The following SGPP2 variants were observed in gnomAD, a reference collection of about 807,000 sequenced individuals.
The protein encoded by SGPP2 is sphingosine-1-phosphate phosphatase 2, also known as sphingosine 1-phosphate phosphohydrolase 2.
Under a neutral mutation model 33.9 loss-of-function variants are expected in SGPP2, and 30 were observed. The observed-to-expected ratio is 0.89, with a 90% CI of 0.66 to 1.20. SGPP2 has a LOEUF of 1.20. Ranked by LOEUF, SGPP2 falls within the 50% of genes most tolerant of loss-of-function variation. The pLI is 0.00. For synonymous variants in SGPP2, 233 were observed against 225.0 expected, an observed-to-expected ratio of 1.04 and a Z score of -0.32; for missense variants, 458 against 532.1, an observed-to-expected ratio of 0.86 and a Z score of 1.37.
intron 4 of SGPP2, among the ~76,000 whole-genome samples, chr2:222,552,636 G>A (rs146821699): frequency 0.041 from 6,281 of 152,136 alleles, 221 homozygotes; most frequent in South Asian, 0.067. Flanking sequence ...CGAGGTGGGC[G>A]GATCACCTGA....
chr2:222,440,804 G>A (rs4673021), intron 1 of SGPP2, among the ~76,000 whole-genome samples: 6,217 of 151,860 alleles, frequency 0.041, 162 homozygotes, highest in Non-Finnish European at 0.061. Flanking sequence ...ATTAATCCCC[G>A]TCTTCACCCA....
rs537760880 is a variant in SGPP2, at chr2:222,438,168, GC to G, written c.219+13349del. The stretch of plus-strand genomic sequence containing the variant: ...TGCCTCTTTCTTGGTTGTAGAAGGG[GC>G]CAAATGCAGCAACTTATTCTTCACT... On this transcript the variant is annotated intron_variant, in intron 1 of 4. Transcript: ENST00000321276. 1.8e-3 allele frequency among the ~76,000 whole-genome samples: 278 copies of G among 152,292 alleles called. 2 individuals are homozygous for G. Among genetic ancestry groups the G allele is most frequent in the Non-Finnish European group, 2.2e-3 (152 of 68,036 alleles).
intron 1 of SGPP2, among the ~76,000 whole-genome samples, chr2:222,454,031 G>A (rs763337914): frequency 1.3e-5 from 2 of 152,150 alleles, no homozygotes; most frequent in African/African-American, 4.8e-5. Flanking sequence ...AGAACATTTG[G>A]TTTATTTCCA....
At chr2:222,425,010 T>G (rs1265594423) in intron 1 of SGPP2, among the ~76,000 whole-genome samples, 189 bp downstream of exon 1, 1 of 152,236 alleles carries the variant, frequency 6.6e-6, no homozygotes, top group Non-Finnish European at 1.5e-5. Context: ...CCTCCAACGC[T>G]GCCAGGGGCA....
intron 2 of SGPP2, among the ~76,000 whole-genome samples, chr2:222,479,166 G>A (rs192181499): frequency 2.6e-5 from 4 of 152,208 alleles, no homozygotes; most frequent in East Asian, 1.9e-4. Flanking sequence ...TTGCTCCTGC[G>A]CCCAGGCCTT....
chr2:222,444,148 G>A (rs1697365690), intron 1 of SGPP2, among the ~76,000 whole-genome samples: 1 of 152,208 alleles, frequency 6.6e-6, no homozygotes, highest in Admixed American at 6.5e-5. Flanking sequence ...TGTAGAGCAT[G>A]GGTGATGGGA....
chr2:222,459,044 A>G (rs913330168), intron 1 of SGPP2, among the ~76,000 whole-genome samples: 2 of 151,750 alleles, frequency 1.3e-5, no homozygotes, highest in South Asian at 2.1e-4. Context: ...CCACTGATTC[A>G]GCCAGTCTTG....
chr2:222,502,520 C>T lies in SGPP2; in HGVS notation c.379-19247C>T, dbSNP rs117213048. Among the ~76,000 whole-genome samples, 11 of 152,322 alleles carry T rather than the reference C, an allele frequency of 7.2e-5. No individual in the cohort carries two copies. In the East Asian group the frequency reaches 1.5e-3, roughly 21 times the overall value. Reference sequence around the variant, plus strand: ...GAAAATCTAAAATGTGAAGAACTCCCATGAGTATTTCCTTTAAATGTCATG... The same window carrying T: ...GAAAATCTAAAATGTGAAGAACTCCTATGAGTATTTCCTTTAAATGTCATG... On this transcript the variant is annotated intron_variant, in intron 2 of 4. Coordinates refer to ENST00000321276, the MANE Select transcript of SGPP2 (RefSeq NM_152386.4).
chr2:222,479,076 C>G (rs1162933700), intron 2 of SGPP2, among the ~76,000 whole-genome samples: 2 of 152,180 alleles, frequency 1.3e-5, no homozygotes, highest in African/African-American at 4.8e-5. Flanking sequence ...TACCAGCCCA[C>G]TTTACAGATC....
intron 4 of SGPP2, among the ~76,000 whole-genome samples, chr2:222,541,870 G>A (rs1699003815): frequency 6.6e-6 from 1 of 152,110 alleles, no homozygotes; most frequent in Non-Finnish European, 1.5e-5. Context: ...CCAAAGTGCT[G>A]GGATTACAGG....
chr2:222,424,489 G>A (rs1444364747), upstream of SGPP2: 2 of 701,730 alleles, frequency 2.9e-6, no homozygotes, highest in Non-Finnish European at 3.7e-6. Context: ...GGCCCCGCCC[G>A]CCCGGCCTCC....
chr2:222,443,875 C>T (rs1697361469), intron 1 of SGPP2, among the ~76,000 whole-genome samples: 1 of 152,188 alleles, frequency 6.6e-6, no homozygotes, highest in African/African-American at 2.4e-5. Context: ...TCTACTGTAA[C>T]CTCTACCACC....
At chr2:222,445,173 G>A (rs915545041) in intron 1 of SGPP2, among the ~76,000 whole-genome samples, 5 of 152,190 alleles carry the variant, frequency 3.3e-5, no homozygotes, top group East Asian at 1.9e-4. Flanking sequence ...ACCTGGCCTT[G>A]CTGAACTTGG....
At chr2:222,466,538 G>A (rs952449943) in intron 1 of SGPP2, among the ~76,000 whole-genome samples, 4 of 152,148 alleles carry the variant, frequency 2.6e-5, no homozygotes, top group Non-Finnish European at 5.9e-5. Flanking sequence ...GATTACAGGC[G>A]TGAGCCACTG....
intron 4 of SGPP2, among the ~76,000 whole-genome samples, chr2:222,535,753 T>C (rs1174094409): frequency 6.6e-6 from 1 of 152,220 alleles, no homozygotes; most frequent in Non-Finnish European, 1.5e-5. Flanking sequence ...TACAATTAAC[T>C]GACAATTAGC....
rs1297809667 is a variant in SGPP2, at chr2:222,424,743, G to T, written c.141G>T (p.Gly47=). 2.8e-6 allele frequency: 4 copies of T among 1,423,564 alleles called. No homozygotes were observed. Among genetic ancestry groups the T allele is most frequent in the African/African-American group, 1.5e-5 (1 of 67,184 alleles). 88.2% of individuals were successfully genotyped at this position (1,423,564 alleles called of 1,614,324 possible). Residue 47 remains glycine, a synonymous_variant, in exon 1 of 5, where the codon GGG becomes GGT. Transcript: ENST00000321276. ...DPTERAARVP[G]VEHLPAANGK... ...CGGAGCGCGCGGCGCGGGTCCCCGG[G>T]GTCGAGCATCTCCCCGCAGCCAACG...
chr2:222,498,990 A>C (rs7566311), intron 2 of SGPP2, among the ~76,000 whole-genome samples: 133,630 of 152,264 alleles, frequency 0.88, 59,444 homozygotes, highest in East Asian at 1. Flanking sequence ...AGCAAGCAAG[A>C]CTTCTGAGAA....
chr2:222,505,952 A>AC (rs1472194177), intron 2 of SGPP2, among the ~76,000 whole-genome samples: 2 of 151,996 alleles, frequency 1.3e-5, no homozygotes, highest in Non-Finnish European at 2.9e-5. Context: ...AAAAAAAAAA[A>AC]AAGTAGTTAA....
At chr2:222,425,041 C>A (rs1697041485) in intron 1 of SGPP2, among the ~76,000 whole-genome samples, 2 of 152,332 alleles carry the variant, frequency 1.3e-5, no homozygotes, top group African/African-American at 4.8e-5. Context: ...TTGAGATATC[C>A]CCAGACGCTT....
Sources: allele counts gnomAD v4.1 joint callset (sites outside exome capture counted in the v4.1 genomes callset), GRCh38; gene constraint gnomAD v4.1.1; transcripts MANE v1.5; gene names NCBI Gene and HGNC (gene_info 2026-07-23, HGNC 2026-07-21).